Variants in GMDS observed in about 807,000 individuals in gnomAD.
GMDS encodes the protein GDP-mannose 4,6 dehydratase.
GMDS carries 20 observed loss-of-function variants against 49.9 expected under a neutral mutation model. That is an observed-to-expected ratio of 0.40 (90% CI 0.28 to 0.58). The LOEUF (loss-of-function observed/expected upper bound fraction) is 0.58, where lower values mean the gene tolerates loss of function less well. Among genes scored for constraint, GMDS ranks in the 20% least tolerant of loss-of-function variants. GMDS has a pLI of 0.42. For missense variants in GMDS, 362 were observed against 481.4 expected, an observed-to-expected ratio of 0.75 and a Z score of 2.32; for synonymous variants, 177 against 178.6, an observed-to-expected ratio of 0.99 and a Z score of 0.07.
intron 4 of GMDS, among the ~76,000 whole-genome samples, chr6:2,019,334 C>G (rs142411480): frequency 6.6e-6 from 1 of 151,764 alleles, no homozygotes; most frequent in Non-Finnish European, 1.5e-5. Flanking sequence ...AGCCTCCATG[C>G]AATGTTGAAT....
intron 6 of GMDS, among the ~76,000 whole-genome samples, chr6:1,936,632 T>A (rs1452568579): frequency 6.6e-6 from 1 of 152,058 alleles, no homozygotes. Flanking sequence ...CCACAACGTT[T>A]AGGTCAAGCA....
At chr6:2,001,813 G>A (rs565251619) in intron 4 of GMDS, among the ~76,000 whole-genome samples, 2 of 152,232 alleles carry the variant, frequency 1.3e-5, no homozygotes, top group East Asian at 1.9e-4. Flanking sequence ...AACAAATGGT[G>A]CACGGACAAC....
At chr6:1,638,539 C>T (rs986120158) in intron 9 of GMDS, among the ~76,000 whole-genome samples, 4 of 147,528 alleles carry the variant, frequency 2.7e-5, no homozygotes, top group Admixed American at 6.8e-5. Context: ...ACTATGAGGC[C>T]GTGAGACTCC....
At chr6:1,715,749 T>C (rs1394648029) in intron 9 of GMDS, among the ~76,000 whole-genome samples, 2 of 152,262 alleles carry the variant, frequency 1.3e-5, no homozygotes, top group African/African-American at 4.8e-5. Context: ...TTGAGATACA[T>C]ACTTTAAAAC....
chr6:2,027,069 C>T (rs1032632745), intron 4 of GMDS, among the ~76,000 whole-genome samples: 2 of 146,258 alleles, frequency 1.4e-5, no homozygotes, highest in Admixed American at 1.3e-4. Flanking sequence ...GAACAGGAAC[C>T]AGAGAATATA....
intron 8 of GMDS, among the ~76,000 whole-genome samples, chr6:1,739,391 G>C (rs111373185): frequency 6.6e-6 from 1 of 152,206 alleles, no homozygotes; most frequent in Admixed American, 6.5e-5. Context: ...CACTCCCTGC[G>C]TGCCGCGGTG....
intron 1 of GMDS, among the ~76,000 whole-genome samples, chr6:2,182,937 G>C (rs980306189): frequency 1.3e-5 from 2 of 152,004 alleles, no homozygotes; most frequent in Non-Finnish European, 2.9e-5. Context: ...CAAGCTCCTG[G>C]GCTCAAACGA....
intron 4 of GMDS, among the ~76,000 whole-genome samples, chr6:2,110,684 T>C (rs1208448590): frequency 6.6e-6 from 1 of 152,162 alleles, no homozygotes; most frequent in Non-Finnish European, 1.5e-5. Flanking sequence ...CACATGGTCA[T>C]GACCCAGTGT....
chr6:1,921,498 T>A (rs1258680870), intron 7 of GMDS, among the ~76,000 whole-genome samples: 1 of 152,198 alleles, frequency 6.6e-6, no homozygotes, highest in Non-Finnish European at 1.5e-5. Context: ...TTTCTTAACT[T>A]ATTTTAAATA....
chr6:2,241,232 A>C (rs1781600986), intron 1 of GMDS, among the ~76,000 whole-genome samples: 1 of 152,134 alleles, frequency 6.6e-6, no homozygotes, highest in South Asian at 2.1e-4. Context: ...ATGTCTACCC[A>C]ATGACCGTAC....
chr6:2,224,645 A>C (rs1780739457), intron 1 of GMDS, among the ~76,000 whole-genome samples: 2 of 152,228 alleles, frequency 1.3e-5, no homozygotes. Context: ...TCAGAGAAAA[A>C]AAATCATAAG....
intron 7 of GMDS, among the ~76,000 whole-genome samples, chr6:1,851,244 C>T (rs1465265855): frequency 3.3e-5 from 5 of 152,082 alleles, no homozygotes; most frequent in Admixed American, 6.5e-5. Context: ...TCCCAAACAA[C>T]GAGGGGAAAG....
intron 1 of GMDS, among the ~76,000 whole-genome samples, chr6:2,198,648 C>A (rs998794739): frequency 6.6e-6 from 1 of 151,542 alleles, no homozygotes; most frequent in African/African-American, 2.4e-5. Context: ...TTTACTGCTA[C>A]GAGGTATTTT....
intron 1 of GMDS, among the ~76,000 whole-genome samples, chr6:2,174,673 T>A (rs562032057): frequency 2.6e-5 from 4 of 152,258 alleles, no homozygotes; most frequent in African/African-American, 9.6e-5. Context: ...GTTCAAGTGA[T>A]TCTCCTGCCT....
At chr6:1,904,374 CG>C (rs1760650961) in intron 7 of GMDS, among the ~76,000 whole-genome samples, 1 of 152,132 alleles carries the variant, frequency 6.6e-6, no homozygotes, top group Admixed American at 6.5e-5. Flanking sequence ...TCTGTGTGGC[CG>C]TCTGTCCTTC....
At chr6:2,098,748 G>A (rs1773755897) in intron 4 of GMDS, among the ~76,000 whole-genome samples, 1 of 152,114 alleles carries the variant, frequency 6.6e-6, no homozygotes, top group Non-Finnish European at 1.5e-5. Context: ...TTGACAGTAT[G>A]AAATGCCACT....
At chr6:1,992,030 G>A (rs1300948649) in intron 4 of GMDS, among the ~76,000 whole-genome samples, 1 of 152,240 alleles carries the variant, frequency 6.6e-6, no homozygotes, top group Non-Finnish European at 1.5e-5. Flanking sequence ...TTCAAAGGGA[G>A]CACAGCCCTG....
At chr6:1,802,680 A>G (rs1489923115) in intron 7 of GMDS, among the ~76,000 whole-genome samples, 1 of 152,390 alleles carries the variant, frequency 6.6e-6, no homozygotes, top group East Asian at 1.9e-4. Flanking sequence ...AGATTCCAGC[A>G]AAAACATGTG....
chr6:1,962,152 CAGT>C (rs925635723), intron 4 of GMDS, among the ~76,000 whole-genome samples: 5 of 152,176 alleles, frequency 3.3e-5, no homozygotes, highest in African/African-American at 1.2e-4. Flanking sequence ...ACATTCACAG[CAGT>C]AGATGCCATC....
Sources: gnomAD v4.1 joint callset for allele counts (sites outside exome capture counted in the v4.1 genomes callset) on GRCh38, gnomAD v4.1.1 for gene constraint, MANE v1.5 for transcripts, NCBI Gene and HGNC (gene_info 2026-07-23, HGNC 2026-07-21) for gene names.